The following KMT2B variants were observed in gnomAD, a reference collection of about 807,000 sequenced individuals.
KMT2B encodes lysine methyltransferase 2B, also known as histone-lysine N-methyltransferase 2B.
A neutral mutation model predicts 255.3 loss-of-function variants in KMT2B; 22 were observed. The ratio of observed to expected loss-of-function variants is 0.09; its 90% CI spans 0.06 to 0.12. KMT2B has a LOEUF of 0.12. Ranked by LOEUF, KMT2B falls within the 10% of genes least tolerant of loss-of-function variation. The pLI is 1.00. For missense variants in KMT2B, 3,149 were observed against 3,737.0 expected, an observed-to-expected ratio of 0.84 and a Z score of 4.10; for synonymous variants, 1,730 against 1,498.1, an observed-to-expected ratio of 1.15 and a Z score of -3.57.
chr19:35,735,284 G>C (rs1969873281), intron 30 of KMT2B: 1 of 152,298 alleles, frequency 6.6e-6, no homozygotes, highest in African/African-American at 2.4e-5. Context: ...GGCCATGTGG[G>C]TTTTGCCTCT....
chr19:35,718,469 A>C lies in KMT2B; in HGVS notation c.363+88A>C. On this transcript the variant is annotated intron_variant, in intron 1 of 36. Coordinates refer to ENST00000420124, the MANE Select transcript of KMT2B (RefSeq NM_014727.3). The surrounding 1 kb of genome is among the most constrained non-coding windows in gnomAD (Gnocchi z 5.0). Reference sequence around the variant, plus strand: ...GGGTTGTCCCGGGGGCGGCGTGGGCAGGCCGGGTCCTCAGGGTTCCTTCGG... The same window carrying C: ...GGGTTGTCCCGGGGGCGGCGTGGGCCGGCCGGGTCCTCAGGGTTCCTTCGG... 7.6e-6 allele frequency: 9 copies of C among 1,188,766 alleles called. No individual in the cohort carries two copies. Among genetic ancestry groups the C allele is most frequent in the Non-Finnish European group, 9.4e-6 (9 of 952,404 alleles). The allele number at this position is 1,188,766 out of a possible 1,614,324, so 73.6% of individuals were successfully genotyped here. A position where few individuals can be genotyped will look rare whatever the true frequency, so the allele number is the denominator to read the frequency against.
chr19:35,733,438 G>A lies in KMT2B; in HGVS notation c.6889G>A (p.Ala2297Thr), dbSNP rs754428988. The A allele has an allele frequency of 1.3e-5, 20 of 1,557,232 alleles. No homozygotes were observed. Among genetic ancestry groups the A allele is most frequent in the Middle Eastern group, 3.3e-4 (2 of 6,024 alleles). ...RSPPAPPPYK[A>T]PRLDEDGEAS... ...CCCGCCAGCACCTCCCCCATACAAAGCCCCCCGGCTGGATGAAGATGGAGA... is the reference window on the plus strand; with the variant it reads ...CCCGCCAGCACCTCCCCCATACAAAACCCCCCGGCTGGATGAAGATGGAGA... Residue 2297 changes from alanine (A) to threonine (T), a missense_variant, in exon 28 of 37, where the codon GCC becomes ACC. Physicochemically the swap from Ala to Thr is moderately conservative, Grantham distance 58 (BLOSUM62 0). Transcript: ENST00000420124. The surrounding 1 kb of genome is among the most constrained non-coding windows in gnomAD (Gnocchi z 4.3).
Position 35,720,600 on chromosome 19 carries a change from C to T in KMT2B, c.1253C>T (p.Pro418Leu). The stretch of plus-strand genomic sequence containing the variant: ...GCCCCTTCACCTCCTCCACCCCTCC[C>T]ACCCCCTTCGACATCTCCTCCACCC... ...PPAPSPPPPL[P>L]PPSTSPPPPL... is the part of the protein sequence containing the mutation. The change falls in exon 3 of 37, where the codon CCA becomes CTA. Residue 418 changes from proline to leucine, a missense_variant. Around this residue, in one of 18 missense-constraint regions of KMT2B, gnomAD observed 1,188 missense variants for 1,106.4 expected, o/e 1.07. Transcript: ENST00000420124. 6.7e-7 allele frequency: 1 copy of T among 1,500,598 alleles called. No individual in the cohort carries two copies. Among genetic ancestry groups the T allele is most frequent in the African/African-American group, 1.4e-5 (1 of 69,318 alleles). The allele number at this position is 1,500,598 out of a possible 1,614,324, so 93.0% of individuals were successfully genotyped here.
At chr19:35,728,953 T>C in intron 20 of KMT2B, 32 bp from the exon 21 acceptor site, 1 of 1,613,330 alleles carries the variant, frequency 6.2e-7, no homozygotes, top group East Asian at 2.2e-5. Flanking sequence ...CGGGTCCTGA[T>C]TCTTAGACCT....
In KMT2B at chr19:35,722,734, G is replaced by T. The variant is rs1969272226; in HGVS notation, c.2722+16G>T. ...GCCACAGAGGGTAGGTGGGGAGACT[G>T]GACAGCCATGTCAGGTTTGGGGATG... is the stretch of plus-strand genomic sequence containing the variant. On this transcript the variant is annotated intron_variant, in intron 5 of 36. Transcript: ENST00000420124. 1.3e-6 allele frequency: 2 copies of T among 1,571,012 alleles called. No homozygotes were observed. The highest frequency in any genetic ancestry group is 3.7e-5 in the Admixed American group (2 of 54,648).
Position 35,737,836 on chromosome 19 carries a change from G to T in KMT2B, c.7659-23G>T, listed in dbSNP as rs1440809895. The T allele has an allele frequency of 3.2e-6, 5 of 1,557,682 alleles. No individual in the cohort carries two copies. The highest frequency in any genetic ancestry group is 4.3e-6 in the Non-Finnish European group (5 of 1,149,996). On this transcript the variant is annotated intron_variant, in intron 34 of 36. Transcript: ENST00000420124. This position sits in a 1 kb window ranked among gnomAD's most constrained non-coding sequence, Gnocchi z 5.3. ...GAGGTCATTCTGAGCACCAGCCTGG[G>T]TGACACTGCTGTCCCTCACCAGACG... is the stretch of plus-strand genomic sequence containing the variant.
rs761475494 is a variant in KMT2B, at chr19:35,732,115, T to C, written c.5645T>C (p.Phe1882Ser). The C allele has an allele frequency of 1.9e-6, 3 of 1,598,564 alleles. No individual in the cohort carries two copies. ...CGGAGGCCCTTGGGGGGTGTCTCCT[T>C]TGGCCCCCTGCCCTCCCCTGGTGAG... ...PSRRPLGGVSFGPLPSPGSPS... is the reference protein window; with the variant it reads ...PSRRPLGGVSSGPLPSPGSPS... Residue 1882 changes from phenylalanine to serine, a missense_variant, in exon 27 of 37, where the codon TTT becomes TCT. Phe to Ser is a radical substitution (Grantham distance 155). This residue lies in a region of KMT2B where 897 missense variants were observed against 825.3 expected (regional missense o/e 1.09). Coordinates refer to ENST00000420124, the MANE Select transcript of KMT2B (RefSeq NM_014727.3).
intron 1 of KMT2B, among the ~76,000 whole-genome samples, chr19:35,719,211 C>T (rs948582099): frequency 6.6e-6 from 1 of 152,182 alleles, no homozygotes; most frequent in Non-Finnish European, 1.5e-5. Context: ...CGTCTTCTCT[C>T]TTGGGCCAGT....
intron 26 of KMT2B, 139 bp downstream of exon 26, chr19:35,731,006 A>T: frequency 9.9e-7 from 1 of 1,006,744 alleles, no homozygotes; most frequent in Non-Finnish European, 1.4e-6. Context: ...CAGCTCGCTT[A>T]CTGCCATGCC....
rs1180253827 is a variant in KMT2B at position 35,723,971 on chromosome 19, C to T, written c.3298C>T (p.Pro1100Ser). 3 of 1,606,056 alleles carry T rather than the reference C, an allele frequency of 1.9e-6. No homozygotes were observed. In the South Asian group the frequency reaches 3.3e-5, roughly 18 times the overall value. Residue 1100 changes from proline (P) to serine (S), a missense_variant, in exon 8 of 37, where the codon CCC becomes TCC. This residue lies in a region of KMT2B where 136 missense variants were observed against 137.3 expected (regional missense o/e 0.99). Transcript: ENST00000420124. The surrounding 1 kb of genome is among the most constrained non-coding windows in gnomAD (Gnocchi z 7.5). The part of the protein sequence containing the change: ...EDSDDSEPGG[P>S]PAPRRRTPRE... ...TTCGGATGACTCGGAGCCCGGGGGC[C>T]CCCCTGCTCCTCGGCGTCGGACCCC...
Position 35,732,685 on chromosome 19 carries a change from G to T in KMT2B, c.6136G>T (p.Gly2046Cys). The change falls in exon 28 of 37, where the codon GGT becomes TGT. Residue 2046 changes from glycine (G) to cysteine (C), a missense_variant. Physicochemically the swap from Gly to Cys is radical, Grantham distance 159. Transcript: ENST00000420124. The part of the protein sequence containing the change: ...HFPVTVVSAP[G>C]LAPSATPGAP... ...CCCTGTGACTGTGGTGTCCGCCCCT[G>T]GTCTGGCCCCCAGCGCTACCCCTGG... is the stretch of plus-strand genomic sequence containing the variant. 1.9e-6 allele frequency: 3 copies of T among 1,609,194 alleles called. No homozygotes were observed. The highest frequency in any genetic ancestry group is 2.5e-6 in the Non-Finnish European group (3 of 1,178,076).
chr19:35,721,027 A>G lies in KMT2B; in HGVS notation c.1680A>G (p.Ser560=). 6.2e-7 allele frequency: 1 copy of G among 1,604,520 alleles called. No individual in the cohort carries two copies. Among genetic ancestry groups the G allele is most frequent in the Non-Finnish European group, 8.5e-7 (1 of 1,177,404 alleles). The change falls in exon 3 of 37, where the codon TCA becomes TCG. Residue 560 remains serine (S), a synonymous_variant. Transcript: ENST00000420124. ...CCAAACCCCCAAAGGTGGAGGTCTC[A>G]CCTGTCCTGCGACCTCCCATTACCA... The part of the protein sequence containing the change: ...DPPKPPKVEV[S]PVLRPPITTS...
rs961361316 is a variant in KMT2B, at chr19:35,733,446, G to A, written c.6897G>A (p.Arg2299=). Residue 2299 remains arginine (R), a synonymous_variant, in exon 28 of 37, where the codon CGG becomes CGA. Transcript: ENST00000420124. This position sits in a 1 kb window ranked among gnomAD's most constrained non-coding sequence, Gnocchi z 4.3. Reference sequence around the variant, plus strand: ...CACCTCCCCCATACAAAGCCCCCCGGCTGGATGAAGATGGAGAGGCCTCAG... The same window carrying A: ...CACCTCCCCCATACAAAGCCCCCCGACTGGATGAAGATGGAGAGGCCTCAG... ...PPAPPPYKAP[R]LDEDGEASED... 3 of 1,559,422 alleles carry A rather than the reference G, an allele frequency of 1.9e-6. No individual in the cohort carries two copies. The Admixed American group carries it at 5.7e-5, about 30-fold the overall frequency.
Position 35,720,277 on chromosome 19 carries a change from G to A in KMT2B, c.930G>A (p.Arg310=). 6.2e-7 allele frequency: 1 copy of A among 1,613,238 alleles called. No individual in the cohort carries two copies. ...GLPFVIKFVS[R]AKKVKMGQLS... ...CCTTTGTGATCAAGTTTGTTTCAAG[G>A]GCCAAAAAAGTAAAGATGGGACAAT... is the stretch of plus-strand genomic sequence containing the variant. Residue 310 remains arginine (R), a synonymous_variant, in exon 3 of 37, where the codon AGG becomes AGA. Transcript: ENST00000420124.
intron 8 of KMT2B, 87 bp downstream of exon 8, chr19:35,724,094 G>A (rs1969328216): frequency 1.5e-6 from 2 of 1,314,828 alleles, no homozygotes; most frequent in Non-Finnish European, 1.0e-6. Context: ...CAGACCCAGG[G>A]CTCTGTCAGT....
Position 35,733,157 on chromosome 19 carries a change from A to C in KMT2B, c.6608A>C (p.Lys2203Thr). The C allele has an allele frequency of 6.3e-7, 1 of 1,578,868 alleles. No individual in the cohort carries two copies. The highest frequency in any genetic ancestry group is 8.6e-7 in the Non-Finnish European group (1 of 1,161,840). ...AACAAGCTGGGGCAAGTATTTGTGA[A>C]GATGGCTGGGGAGGGTGAACCTGTC... ...LVNKLGQVFV[K>T]MAGEGEPVPP... Residue 2203 changes from lysine to threonine, a missense_variant, in exon 28 of 37, where the codon AAG becomes ACG. By Grantham distance (78) the Lys-to-Thr change is moderately conservative. Around this residue, in one of 18 missense-constraint regions of KMT2B, gnomAD observed 897 missense variants for 825.3 expected, o/e 1.09. Transcript: ENST00000420124. This position sits in a 1 kb window ranked among gnomAD's most constrained non-coding sequence, Gnocchi z 4.3.
Position 35,728,168 on chromosome 19 carries a change from C to T in KMT2B, c.4568C>T (p.Pro1523Leu). 6.3e-7 allele frequency: 1 copy of T among 1,588,108 alleles called. No homozygotes were observed. The highest frequency in any genetic ancestry group is 8.6e-7 in the Non-Finnish European group (1 of 1,167,948). Residue 1523 changes from proline to leucine, a missense_variant, in exon 19 of 37, where the codon CCA (proline) becomes CTA (leucine). Pro to Leu is a moderately conservative substitution (Grantham distance 98). Transcript: ENST00000420124. ...PKYWRRSTRL[P>L]NGVLPNAVLP... Reference sequence around the variant, plus strand: ...TACTGGCGACGGAGTACCCGGCTGCCAAAGTGAGCAAGGCTGGGTAGCAGA... The same window carrying T: ...TACTGGCGACGGAGTACCCGGCTGCTAAAGTGAGCAAGGCTGGGTAGCAGA...
At chr19:35,734,153 TGA>T (rs1475646618) in intron 30 of KMT2B, among the ~76,000 whole-genome samples, 1 of 151,908 alleles carries the variant, frequency 6.6e-6, no homozygotes, top group Non-Finnish European at 1.5e-5. Flanking sequence ...TGCCAGGAGC[TGA>T]GAGAGAGCTT....
chr19:35,725,287 GC>G lies in KMT2B; in HGVS notation c.3602del (p.Pro1201ArgfsTer154). On this transcript the variant is annotated frameshift_variant, in exon 11 of 37. Coordinates refer to ENST00000420124, the MANE Select transcript of KMT2B (RefSeq NM_014727.3). LOFTEE classifies it high-confidence loss of function. This position sits in a 1 kb window ranked among gnomAD's most constrained non-coding sequence, Gnocchi z 4.1. ...GLSVLTSVPGGPPMVCLLCAS... is the reference protein window; with the variant it reads ...GLSVLTSVPGXPPMVCLLCAS... ...AGTGTGCTCACCTCTGTGCCAGGGG[GC>G]CCCCCGATGGTGTGCTTGCTGTGTG... is the stretch of plus-strand genomic sequence containing the variant. 3.2e-6 allele frequency: 5 copies of G among 1,582,428 alleles called. No homozygotes were observed. Among genetic ancestry groups the G allele is most frequent in the Non-Finnish European group, 2.6e-6 (3 of 1,164,574 alleles).
Sources: allele counts gnomAD v4.1 joint callset (sites outside exome capture counted in the v4.1 genomes callset), GRCh38; gene constraint gnomAD v4.1.1; regional missense constraint gnomAD v4.1.1; non-coding constraint Gnocchi (gnomAD v3.1); transcripts MANE v1.5; gene names NCBI Gene and HGNC (gene_info 2026-07-23, HGNC 2026-07-21).